The following HSPA12A variants were observed in gnomAD, a reference collection of about 807,000 sequenced individuals.
HSPA12A encodes the protein heat shock 70 kDa protein 12A.
A neutral mutation model predicts 69.2 loss-of-function variants in HSPA12A; 28 were observed. The ratio of observed to expected loss-of-function variants is 0.40; its 90% CI spans 0.30 to 0.55. HSPA12A has a LOEUF of 0.55. Ranked by LOEUF, HSPA12A falls within the 20% of genes least tolerant of loss-of-function variation. HSPA12A has a pLI of 0.38. For missense variants in HSPA12A, 686 were observed against 900.7 expected (o/e 0.76, Z 3.05); for synonymous variants, 345 against 370.5 (o/e 0.93, Z 0.79).
Position 116,715,040 on chromosome 10 carries a change from G to A in HSPA12A, c.41-7755C>T, listed in dbSNP as rs147218673. Among the ~76,000 whole-genome samples, 46 of 152,278 alleles carry A rather than the reference G, an allele frequency of 3.0e-4. No homozygotes were observed. In the East Asian group the frequency reaches 6.7e-3, roughly 22 times the overall value. Reference sequence around the variant, plus strand: ...TGGAAAACCCAGATGGGGGAAACTCGACAAGAGAGACAGGTTTCTCCTAAA... The same window carrying A: ...TGGAAAACCCAGATGGGGGAAACTCAACAAGAGAGACAGGTTTCTCCTAAA... On this transcript the variant is annotated intron_variant, in intron 1 of 11. Coordinates refer to ENST00000369209, the MANE Select transcript of HSPA12A (RefSeq NM_025015.3).
chr10:116,706,359 T>G (rs542655757), intron 2 of HSPA12A, among the ~76,000 whole-genome samples: 1 of 152,048 alleles, frequency 6.6e-6, no homozygotes, highest in African/African-American at 2.4e-5. Context: ...CAGGACAACT[T>G]CAGGGTGCAA....
At chr10:116,692,500 A>C in intron 5 of HSPA12A, 33 bp from the exon 6 acceptor site, 1 of 1,548,298 alleles carries the variant, frequency 6.5e-7, no homozygotes, top group Admixed American at 1.7e-5. Context: ...CAACAGGTCA[A>C]GTGGCAGCTG....
chr10:116,736,104 C>T (rs924564606), intron 1 of HSPA12A, among the ~76,000 whole-genome samples: 1 of 152,170 alleles, frequency 6.6e-6, no homozygotes, highest in Non-Finnish European at 1.5e-5. Flanking sequence ...ATTTCAATAA[C>T]TTGTTTAATG....
At chr10:116,797,477 C>T (rs1446770943) in intron 2 of HSPA12A, among the ~76,000 whole-genome samples, 1 of 152,108 alleles carries the variant, frequency 6.6e-6, no homozygotes, top group African/African-American at 2.4e-5. Context: ...GATGTGTGTG[C>T]ATGTGTGTAT....
At chr10:116,780,889 G>A (rs1228640608) in intron 2 of HSPA12A, among the ~76,000 whole-genome samples, 1 of 152,198 alleles carries the variant, frequency 6.6e-6, no homozygotes, top group Non-Finnish European at 1.5e-5. Flanking sequence ...ATAACTGAAA[G>A]TAATGCTACA....
At chr10:116,750,378 TGGG>T in intron 2 of HSPA12A, 1 of 720,086 alleles carries the variant, frequency 1.4e-6, no homozygotes, top group Non-Finnish European at 2.6e-6. Flanking sequence ...AATAAAGTCT[TGGG>T]GGGCCTTGAA....
At chr10:116,793,068 C>A (rs1255864025) in intron 2 of HSPA12A, among the ~76,000 whole-genome samples, 1 of 152,088 alleles carries the variant, frequency 6.6e-6, no homozygotes, top group African/African-American at 2.4e-5. Flanking sequence ...GAATTCTATG[C>A]CCAGTGAAAA....
intron 5 of HSPA12A, among the ~76,000 whole-genome samples, chr10:116,697,179 T>C (rs926711811): frequency 1.2e-4 from 18 of 152,204 alleles, no homozygotes; most frequent in Non-Finnish European, 2.6e-4. Context: ...ATTTCTAGAA[T>C]TCACTAAATT....
intron 2 of HSPA12A, among the ~76,000 whole-genome samples, chr10:116,796,450 G>C (rs1844828387): frequency 6.6e-6 from 1 of 152,076 alleles, no homozygotes; most frequent in African/African-American, 2.4e-5. Context: ...GTCCTGCCCT[G>C]TGGGTCTTGC....
At chr10:116,783,028 T>C (rs1298992096) in intron 2 of HSPA12A, among the ~76,000 whole-genome samples, 1 of 152,168 alleles carries the variant, frequency 6.6e-6, no homozygotes, top group Non-Finnish European at 1.5e-5. Context: ...CTCCTGCCAC[T>C]CAGATGCCAG....
At chr10:116,804,457 A>G (rs2133173103) in intron 2 of HSPA12A, among the ~76,000 whole-genome samples, 1 of 152,200 alleles carries the variant, frequency 6.6e-6, no homozygotes, top group Middle Eastern at 3.4e-3. Flanking sequence ...TTCATCCTGT[A>G]GCGGGTATAC....
rs1296506858 is a variant in HSPA12A, at chr10:116,849,682, T to G, written c.-114A>C. ...GACGTTCCGCGCAGGCTGGAAGAGC[T>G]GCTCAACTCCACCTTCTACCTCCAG... On this transcript the variant is annotated 5_prime_UTR_variant, in exon 1 of 13. Coordinates refer to the HSPA12A transcript ENST00000635765. 26 of 1,548,886 alleles carry G rather than the reference T, an allele frequency of 1.7e-5. No individual in the cohort carries two copies. In the East Asian group the frequency reaches 5.6e-4, roughly 34 times the overall value.
intron 1 of HSPA12A, among the ~76,000 whole-genome samples, chr10:116,846,606 C>A (rs1009378311): frequency 4.6e-5 from 7 of 152,134 alleles, no homozygotes; most frequent in African/African-American, 1.7e-4. Context: ...CCTCGGCTTC[C>A]CAAAGTGTTG....
chr10:116,839,205 A>G (rs1845764595), intron 1 of HSPA12A, among the ~76,000 whole-genome samples: 1 of 152,254 alleles, frequency 6.6e-6, no homozygotes, highest in Non-Finnish European at 1.5e-5. Flanking sequence ...AAGGAAAGAA[A>G]CAGATTTTAC....
rs180941196 is a variant in HSPA12A at position 116,768,452 on chromosome 10, T to C, written c.92-61167A>G. On this transcript the variant is annotated intron_variant, in intron 2 of 12. Coordinates refer to the HSPA12A transcript ENST00000635765. The stretch of plus-strand genomic sequence containing the variant: ...TGATGCTTGCACAACACAGTGAATA[T>C]CCAAAACCCACTGACTTGTACACTT... 5.3e-5 allele frequency among the ~76,000 whole-genome samples: 8 copies of C among 152,284 alleles called. No homozygotes were observed. The East Asian group carries it at 1.5e-3, about 29-fold the overall frequency.
Position 116,705,221 on chromosome 10 carries a change from C to T in HSPA12A, c.184G>A (p.Asp62Asn), listed in dbSNP as rs1431433773. ...QQSFLVVVAVDFGTTSSGYAY... is the reference protein window; with the variant it reads ...QQSFLVVVAVNFGTTSSGYAY... ...TAGCCACTGGATGTGGTCCCAAAGT[C>T]GACGGCCACCACCACGAGAAATGAC... Residue 62 changes from aspartate (D) to asparagine (N), a missense_variant, in exon 3 of 12, where the codon GAC (aspartate) becomes AAC (asparagine). By Grantham distance (23) the Asp-to-Asn change is conservative. Transcript: ENST00000369209. The T allele has an allele frequency of 2.5e-6, 4 of 1,614,104 alleles. No individual in the cohort carries two copies. Among genetic ancestry groups the T allele is most frequent in the African/African-American group, 1.3e-5 (1 of 75,034 alleles).
chr10:116,737,527 A>G (rs1287207657), intron 1 of HSPA12A, among the ~76,000 whole-genome samples: 1 of 152,212 alleles, frequency 6.6e-6, no homozygotes, highest in Non-Finnish European at 1.5e-5. Context: ...GAGCGCAACC[A>G]CATAATTCAC....
chr10:116,767,567 G>C (rs1554889914), intron 2 of HSPA12A, among the ~76,000 whole-genome samples: 1 of 152,226 alleles, frequency 6.6e-6, no homozygotes, highest in East Asian at 1.9e-4. Flanking sequence ...GCTGCAAACA[G>C]ACTGGGTGGG....
At chr10:116,712,825 C>T (rs1315461249) in intron 1 of HSPA12A, among the ~76,000 whole-genome samples, 1 of 151,556 alleles carries the variant, frequency 6.6e-6, no homozygotes, top group Non-Finnish European at 1.5e-5. Flanking sequence ...TTCTAGGCTC[C>T]GAGGAAATGT....
Sources: gnomAD v4.1 joint callset for allele counts (sites outside exome capture counted in the v4.1 genomes callset) on GRCh38, gnomAD v4.1.1 for gene constraint, MANE v1.5 for transcripts, NCBI Gene and HGNC (gene_info 2026-07-23, HGNC 2026-07-21) for gene names.